Variants in MRPL42 observed in about 807,000 individuals in gnomAD.
The protein encoded by MRPL42 is large ribosomal subunit protein mL42.
MRPL42 carries 17 observed loss-of-function variants against 17.9 expected under a neutral mutation model. The observed-to-expected ratio is 0.95, with a 90% CI of 0.65 to 1.42. The LOEUF (loss-of-function observed/expected upper bound fraction) is 1.42. Among genes scored for constraint, MRPL42 ranks in the 40% most tolerant of loss-of-function variants. The probability of loss-of-function intolerance (pLI) is 0.00; values close to 1 mark genes in which losing one functional copy is unlikely to be tolerated. For synonymous variants in MRPL42, 59 were observed against 54.4 expected (o/e 1.08, Z -0.37); for missense variants, 177 against 175.2 (o/e 1.01, Z -0.06).
At chr12:93,486,135 C>T (rs1236625175) in intron 4 of MRPL42, among the ~76,000 whole-genome samples, 2 of 151,836 alleles carry the variant, frequency 1.3e-5, no homozygotes, top group East Asian at 3.9e-4. Flanking sequence ...GGCCAAGACA[C>T]TGATTCTTAA....
rs1374748254 is a variant in MRPL42, at chr12:93,511,373, AC to A, written c.*10153del. 2.0e-5 allele frequency: 3 copies of A among 152,232 alleles called. No homozygotes were observed. The highest frequency in any genetic ancestry group is 4.4e-5 in the Non-Finnish European group (3 of 68,030). The allele number at this position is 152,232 out of a possible 1,614,324, so 9.4% of individuals were successfully genotyped here. ...ACAAATAAACGTTAATGCTTTTTAG[AC>A]ATCTTTAAGCAACTTTAGATTGCTA... is the stretch of plus-strand genomic sequence containing the variant. On this transcript the variant is annotated 3_prime_UTR_variant, in exon 6 of 6. Transcript: ENST00000549982.
At chr12:93,467,907 G>C (rs911091501) in intron 1 of MRPL42, among the ~76,000 whole-genome samples, 5 of 152,176 alleles carry the variant, frequency 3.3e-5, no homozygotes, top group Admixed American at 3.3e-4. Context: ...TGAGGGACTT[G>C]ATCTCTGAAA....
At chr12:93,477,475 A>G (rs1880234445) in intron 3 of MRPL42, among the ~76,000 whole-genome samples, 1 of 152,200 alleles carries the variant, frequency 6.6e-6, no homozygotes, top group African/African-American at 2.4e-5. Flanking sequence ...AACATATGAC[A>G]TTGTCTTTTT....
rs1019116584 is a variant in MRPL42, at chr12:93,471,164, CTATTT to C, written c.70+1826_70+1830del. ...GCTCAAAAGTTTGCCAGATCCTACT[CTATTT>C]TATTTTATTTTATTTTTTGAGACTG... On this transcript the variant is annotated intron_variant, in intron 2 of 5. Transcript: ENST00000549982. Among the ~76,000 whole-genome samples, 5 of 152,186 alleles carry C rather than the reference CTATTT, an allele frequency of 3.3e-5. 1 individual carries two copies. The highest frequency in any genetic ancestry group is 1.9e-4 in the East Asian group (1 of 5,182).
At position 93,509,662 on chromosome 12, in the gene MRPL42, G is replaced by A. The variant is rs150108894; in HGVS notation, c.*8441G>A. ...ACTGGGACCCAGAGTTGCCTAAGGA[G>A]CGTCAGAAGTGGAGCAGGTCAAAAC... On this transcript the variant is annotated 3_prime_UTR_variant, in exon 6 of 6. Coordinates refer to ENST00000549982, the MANE Select transcript of MRPL42 (RefSeq NM_014050.4). 6.6e-6 allele frequency: 1 copy of A among 152,056 alleles called. No individual in the cohort carries two copies. The highest frequency in any genetic ancestry group is 2.4e-5 in the African/African-American group (1 of 41,444). 9.4% of individuals were successfully genotyped at this position (152,056 alleles called of 1,614,324 possible).
chr12:93,496,354 C>T (rs1456671127), intron 5 of MRPL42, among the ~76,000 whole-genome samples: 2 of 152,018 alleles, frequency 1.3e-5, no homozygotes, highest in Non-Finnish European at 2.9e-5. Context: ...CCACCACGCC[C>T]AGACAACATC....
rs114174279 is a variant in MRPL42 at position 93,471,014 on chromosome 12, T to C, written c.70+1659T>C. On this transcript the variant is annotated intron_variant, in intron 2 of 5. Coordinates refer to ENST00000549982, the MANE Select transcript of MRPL42 (RefSeq NM_014050.4). ...CCACCATTTGTAATTGAAAGTTTGC[T>C]TATTGAATTAGGGAGAAAAGAGCTA... 3.7e-3 allele frequency among the ~76,000 whole-genome samples: 557 copies of C among 152,326 alleles called. 5 individuals are homozygous for C. Among genetic ancestry groups the C allele is most frequent in the African/African-American group, 0.012 (495 of 41,554 alleles).
At chr12:93,476,273 G>A (rs1880171071) in intron 2 of MRPL42, among the ~76,000 whole-genome samples, 2 of 151,924 alleles carry the variant, frequency 1.3e-5, no homozygotes, top group South Asian at 2.1e-4. Context: ...TGCAAACTCC[G>A]CCTCCTGGGT....
At chr12:93,475,379 G>T (rs547095999) in intron 2 of MRPL42, among the ~76,000 whole-genome samples, 42 of 151,988 alleles carry the variant, frequency 2.8e-4, no homozygotes, top group African/African-American at 1.0e-3. Context: ...GCCTCCCAAA[G>T]TGCTGGGATT....
At chr12:93,468,430 CTG>C (rs1450256716) in intron 1 of MRPL42, among the ~76,000 whole-genome samples, 2 of 152,192 alleles carry the variant, frequency 1.3e-5, no homozygotes, top group Non-Finnish European at 2.9e-5. Context: ...ATTGGAGAAA[CTG>C]AGGATCGTTT....
chr12:93,478,942 A>ATTTATTTTTTTTTTTT (rs1282970400), intron 3 of MRPL42, among the ~76,000 whole-genome samples: 3 of 76,564 alleles, frequency 3.9e-5, no homozygotes, highest in African/African-American at 1.1e-4. Context: ...TTATTTATTT[A>ATTTATTTTTTTTTTTT]TTTTTTTGAG....
intron 5 of MRPL42, among the ~76,000 whole-genome samples, chr12:93,491,537 G>T (rs899364804): frequency 6.6e-6 from 1 of 152,172 alleles, no homozygotes; most frequent in African/African-American, 2.4e-5. Flanking sequence ...ATCTAAGCTT[G>T]CCTTTCACTA....
intron 5 of MRPL42, among the ~76,000 whole-genome samples, chr12:93,496,845 T>C (rs1343195219): frequency 1.3e-5 from 2 of 151,872 alleles, no homozygotes; most frequent in Admixed American, 6.6e-5. Flanking sequence ...GGAGTTCTGC[T>C]CTTGTCCCCC....
chr12:93,470,620 C>T, intron 2 of MRPL42: 1 of 1,140,816 alleles, frequency 8.8e-7, no homozygotes, highest in Non-Finnish European at 1.1e-6. Context: ...CTCCATCCCT[C>T]CATTCTGTTT....
At chr12:93,472,857 T>G (rs1221817881) in intron 2 of MRPL42, among the ~76,000 whole-genome samples, 1 of 152,182 alleles carries the variant, frequency 6.6e-6, no homozygotes, top group Non-Finnish European at 1.5e-5. Flanking sequence ...CCATGTAGTA[T>G]TATCCTCTTT....
At chr12:93,474,861 C>A (rs1312460742) in intron 2 of MRPL42, among the ~76,000 whole-genome samples, 1 of 151,204 alleles carries the variant, frequency 6.6e-6, no homozygotes. Context: ...GAGGCCAAGG[C>A]GGGCTGGGCT....
rs1312037174 is a variant in MRPL42, at chr12:93,513,496, T to C, written c.*12275T>C. 1.3e-5 allele frequency: 2 copies of C among 152,154 alleles called. No homozygotes were observed. The highest frequency in any genetic ancestry group is 4.8e-5 in the African/African-American group (2 of 41,436). 9.4% of individuals were successfully genotyped at this position (152,154 alleles called of 1,614,324 possible). ...GCCACCTTGCTTGACCTAAAAACTTTTGAATATTAATATGCATTGTGTTTA... is the reference window on the plus strand; with the variant it reads ...GCCACCTTGCTTGACCTAAAAACTTCTGAATATTAATATGCATTGTGTTTA... On this transcript the variant is annotated 3_prime_UTR_variant, in exon 6 of 6. Transcript: ENST00000549982.
rs1953777126 is a variant in MRPL42 at position 93,515,879 on chromosome 12, C to T, written c.*14658C>T. ...AAACAAGTCCACTTTGTAATTTTGT[C>T]TAAGCACAGGCAAAAAGAGGGTCAT... On this transcript the variant is annotated 3_prime_UTR_variant, in exon 6 of 6. Coordinates refer to ENST00000549982, the MANE Select transcript of MRPL42 (RefSeq NM_014050.4). 1 of 152,156 alleles carries T rather than the reference C, an allele frequency of 6.6e-6. No individual in the cohort carries two copies. The highest frequency in any genetic ancestry group is 1.5e-5 in the Non-Finnish European group (1 of 68,034). 9.4% of individuals were successfully genotyped at this position (152,156 alleles called of 1,614,324 possible). A position where few individuals can be genotyped will look rare whatever the true frequency, so the allele number is the denominator to read the frequency against.
chr12:93,467,994 T>A (rs1879718563), intron 1 of MRPL42, among the ~76,000 whole-genome samples: 1 of 152,166 alleles, frequency 6.6e-6, no homozygotes, highest in Admixed American at 6.5e-5. Flanking sequence ...GGGACCTAAT[T>A]TCCCCCAAGA....
Sources: gnomAD v4.1 joint callset for allele counts (sites outside exome capture counted in the v4.1 genomes callset) on GRCh38, gnomAD v4.1.1 for gene constraint, MANE v1.5 for transcripts, NCBI Gene and HGNC (gene_info 2026-07-23, HGNC 2026-07-21) for gene names.